Variants in TNS3 observed in about 807,000 individuals in gnomAD.
TNS3 encodes tensin 3, also known as tensin-3.
In TNS3, 45 loss-of-function variants were observed where a neutral mutation model predicts 140.9. That is an observed-to-expected ratio of 0.32 (90% CI 0.25 to 0.41). The LOEUF (loss-of-function observed/expected upper bound fraction) is 0.41. Among genes scored for constraint, TNS3 ranks in the 10% least tolerant of loss-of-function variants. The pLI is 1.00. For synonymous variants in TNS3, 815 were observed against 788.4 expected, an observed-to-expected ratio of 1.03 and a Z score of -0.56; for missense variants, 1,716 against 1,906.7, an observed-to-expected ratio of 0.90 and a Z score of 1.86.
chr7:47,303,417 A>C lies in TNS3; in HGVS notation c.2990T>G (p.Phe997Cys). Reference sequence around the variant, plus strand: ...TGCTAGGGACAGCTCATGGCTGTGGAAAGGAGCCTGGAGCTCTGACGGCGG... The same window carrying C: ...TGCTAGGGACAGCTCATGGCTGTGGCAAGGAGCCTGGAGCTCTGACGGCGG... ...CFPPSELQAP[F>C]HSHELSLAEP... is the part of the protein sequence containing the mutation. Residue 997 changes from phenylalanine to cysteine, a missense_variant, in exon 22 of 31, where the codon TTC becomes TGC. This residue lies in a region of TNS3 where 1,163 missense variants were observed against 1,182.1 expected (regional missense o/e 0.98). Coordinates refer to ENST00000311160, the MANE Select transcript of TNS3 (RefSeq NM_022748.12). 6.2e-7 allele frequency: 1 copy of C among 1,613,760 alleles called. No individual in the cohort carries two copies. The highest frequency in any genetic ancestry group is 8.5e-7 in the Non-Finnish European group (1 of 1,180,004).
intron 1 of TNS3, among the ~76,000 whole-genome samples, chr7:47,531,628 G>C (rs945139746): frequency 6.6e-6 from 1 of 152,212 alleles, no homozygotes; most frequent in Non-Finnish European, 1.5e-5. Flanking sequence ...ATATGTAAAA[G>C]TAAATTTTCT....
At chr7:47,379,765 C>A (rs1445037023) in intron 16 of TNS3, among the ~76,000 whole-genome samples, 1 of 152,108 alleles carries the variant, frequency 6.6e-6, no homozygotes, top group Non-Finnish European at 1.5e-5. Flanking sequence ...ACCCTCTGAG[C>A]TGCCAGGAGG....
At chr7:47,405,033 G>T (rs889098106) in intron 13 of TNS3, among the ~76,000 whole-genome samples, 1 of 152,194 alleles carries the variant, frequency 6.6e-6, no homozygotes, top group African/African-American at 2.4e-5. Flanking sequence ...AATTCTCAAA[G>T]AAGTTATCCC....
At chr7:47,338,327 GTCT>G (rs1788749377) in intron 20 of TNS3, among the ~76,000 whole-genome samples, 1 of 152,224 alleles carries the variant, frequency 6.6e-6, no homozygotes, top group Non-Finnish European at 1.5e-5. Flanking sequence ...CGTATAAGGG[GTCT>G]AGTTTTTCCA....
chr7:47,521,433 T>C lies in TNS3; in HGVS notation c.-153+7603A>G, dbSNP rs559066472. ...TGCAAGACAAGACAGCACTCCACTT[T>C]GGGACGGAGGTGTCTGCCCTGTGCA... On this transcript the variant is annotated intron_variant, in intron 2 of 30. Transcript: ENST00000311160. Among the ~76,000 whole-genome samples, 3 of 152,302 alleles carry C rather than the reference T, an allele frequency of 2.0e-5. No individual in the cohort carries two copies. In the South Asian group the frequency reaches 6.2e-4, roughly 32 times the overall value.
intron 1 of TNS3, among the ~76,000 whole-genome samples, chr7:47,533,901 C>A (rs918881972): frequency 2.0e-5 from 3 of 152,128 alleles, no homozygotes; most frequent in Non-Finnish European, 4.4e-5. Context: ...TCCATTAAAT[C>A]CTTTTTCCTG....
intron 20 of TNS3, among the ~76,000 whole-genome samples, chr7:47,343,893 G>A (rs2150988562): frequency 6.6e-6 from 1 of 152,268 alleles, no homozygotes; most frequent in Non-Finnish European, 1.5e-5. Context: ...TAGTCCACAG[G>A]CTTGGTTTAC....
chr7:47,354,618 A>T (rs1010226944), intron 17 of TNS3, among the ~76,000 whole-genome samples: 1 of 152,022 alleles, frequency 6.6e-6, no homozygotes, highest in Non-Finnish European at 1.5e-5. Context: ...AAAAAAAAAA[A>T]AAAATCCTGC....
At chr7:47,511,738 G>A (rs940805194) in intron 2 of TNS3, among the ~76,000 whole-genome samples, 3 of 152,076 alleles carry the variant, frequency 2.0e-5, no homozygotes, top group Admixed American at 1.3e-4. Flanking sequence ...TCCTGTAAAC[G>A]AAGCAAGGGA....
rs1404932941 is a variant in TNS3, at chr7:47,340,148, G to A, written c.2650+4607C>T. Among the ~76,000 whole-genome samples, 33 of 75,068 alleles carry A rather than the reference G, an allele frequency of 4.4e-4. No homozygotes were observed. In the Admixed American group the frequency reaches 5.8e-3, roughly 13 times the overall value. 49.2% of individuals were successfully genotyped at this position (75,068 alleles called of 152,430 possible). ...TTTTTTTTTTTTTTTTTTTTGAGAC[G>A]GAGTCTAGCTCGTCGCCAGGCTGGA... is the stretch of plus-strand genomic sequence containing the variant. On this transcript the variant is annotated intron_variant, in intron 20 of 30. Transcript: ENST00000311160.
At chr7:47,534,157 C>G (rs1799518365) in intron 1 of TNS3, among the ~76,000 whole-genome samples, 1 of 151,846 alleles carries the variant, frequency 6.6e-6, no homozygotes, top group African/African-American at 2.4e-5. Context: ...ACCCGTAATC[C>G]CAGCTACTCA....
intron 17 of TNS3, among the ~76,000 whole-genome samples, chr7:47,361,073 G>C (rs1035716007): frequency 2.0e-5 from 3 of 151,602 alleles, no homozygotes; most frequent in African/African-American, 7.3e-5. Flanking sequence ...TGCAGAGTTG[G>C]AGGCCAATGC....
chr7:47,370,882 G>A (rs1048835412), intron 16 of TNS3, among the ~76,000 whole-genome samples: 1 of 152,244 alleles, frequency 6.6e-6, no homozygotes, highest in Non-Finnish European at 1.5e-5. Flanking sequence ...GTGCCTCACA[G>A]CCCCGGGCTC....
chr7:47,394,676 C>G (rs1278378732), intron 16 of TNS3, among the ~76,000 whole-genome samples: 1 of 152,248 alleles, frequency 6.6e-6, no homozygotes, highest in East Asian at 1.9e-4. Flanking sequence ...TACACACACG[C>G]TCACACACAT....
At chr7:47,470,761 C>T (rs1300467851) in intron 4 of TNS3, 1 of 553,140 alleles carries the variant, frequency 1.8e-6, no homozygotes, top group East Asian at 1.5e-4. Flanking sequence ...CTTTGTGCTC[C>T]CGGGTGGATG....
At chr7:47,421,548 C>G (rs779096052) in intron 10 of TNS3, among the ~76,000 whole-genome samples, 1 of 151,844 alleles carries the variant, frequency 6.6e-6, no homozygotes, top group Non-Finnish European at 1.5e-5. Flanking sequence ...ATCGGGATTA[C>G]AGGTTAGAGT....
At chr7:47,377,780 C>G (rs1174052880) in intron 16 of TNS3, among the ~76,000 whole-genome samples, 3 of 147,162 alleles carry the variant, frequency 2.0e-5, no homozygotes, top group Non-Finnish European at 4.5e-5. Context: ...CCCTCCTTCT[C>G]CTTCTCCCCC....
intron 2 of TNS3, among the ~76,000 whole-genome samples, chr7:47,519,762 T>A (rs1303517124): frequency 6.7e-6 from 1 of 150,324 alleles, no homozygotes; most frequent in Non-Finnish European, 1.5e-5. Flanking sequence ...TCTGGCTGAG[T>A]CATGCAGAGG....
chr7:47,304,976 G>A lies in TNS3; in HGVS notation c.2678C>T (p.Thr893Ile). The A allele has an allele frequency of 4.3e-6, 6 of 1,395,638 alleles. No individual in the cohort carries two copies. The highest frequency in any genetic ancestry group is 5.7e-6 in the Non-Finnish European group (6 of 1,061,694). 86.5% of individuals were successfully genotyped at this position (1,395,638 alleles called of 1,614,324 possible). ...GCTCTCTGACATCCCCACAGCGTGA[G>A]TGAGCGTCTCAGGGCAGCTTCGTGG... ...REPRSCPETL[T>I]HAVGMSESPI... The change falls in exon 21 of 31, where the codon ACT becomes ATT. Residue 893 changes from threonine to isoleucine, a missense_variant. Thr to Ile is a moderately conservative substitution (Grantham distance 89). Coordinates refer to ENST00000311160, the MANE Select transcript of TNS3 (RefSeq NM_022748.12).
Sources: gnomAD v4.1 joint callset for allele counts (sites outside exome capture counted in the v4.1 genomes callset) on GRCh38, gnomAD v4.1.1 for gene constraint, gnomAD v4.1.1 regional missense constraint, MANE v1.5 for transcripts, NCBI Gene and HGNC (gene_info 2026-07-23, HGNC 2026-07-21) for gene names.